The following FAAH2 variants were observed in gnomAD, a reference collection of about 807,000 sequenced individuals.
FAAH2 encodes fatty acid amide hydrolase 2.
FAAH2 carries 60 observed loss-of-function variants against 36.9 expected under a neutral mutation model. That is an observed-to-expected ratio of 1.63 (90% CI 1.32 to 2.02). The LOEUF (loss-of-function observed/expected upper bound fraction) is 2.02, where lower values mean the gene tolerates loss of function less well. FAAH2 is among the 30% of genes most tolerant of loss of function. The pLI is 0.00. For missense variants in FAAH2, 689 were observed against 397.5 expected (o/e 1.73, Z -6.23); for synonymous variants, 214 against 143.8 (o/e 1.49, Z -3.49).
chrX:57,390,407 A>AG (rs1251931310), intron 7 of FAAH2, among the ~76,000 whole-genome samples: 2 of 111,325 alleles, frequency 1.8e-5, no homozygotes, highest in Non-Finnish European at 3.8e-5. Context: ...GTAATGGTGA[A>AG]GTTTGGGCTT....
chrX:57,163,287 G>C, the FAAH2 span, among the ~76,000 whole-genome samples: 7 of 112,112 alleles, frequency 6.2e-5, no homozygotes, highest in African/African-American at 2.3e-4. Flanking sequence ...GGACATTTAA[G>C]TCTGCAGAAG....
At chrX:57,129,456 G>T in the FAAH2 span, among the ~76,000 whole-genome samples, 45,780 of 110,885 alleles carry the variant, frequency 0.41, 8,882 homozygotes, top group African/African-American at 0.75. Flanking sequence ...TGGAATTTAT[G>T]TACTTACATA....
intron 7 of FAAH2, among the ~76,000 whole-genome samples, chrX:57,428,021 G>A (rs2056204249): frequency 9.0e-6 from 1 of 111,476 alleles, no homozygotes; most frequent in Admixed American, 9.6e-5. Flanking sequence ...CTACCCCAAA[G>A]ACTCCTAGAT....
intron 4 of FAAH2, among the ~76,000 whole-genome samples, chrX:57,332,104 A>G (rs1200147858): frequency 3.6e-5 from 4 of 112,471 alleles, no homozygotes; most frequent in African/African-American, 1.3e-4. Flanking sequence ...AAAAGTGTAT[A>G]GACACTAGAA....
intron 3 of FAAH2, among the ~76,000 whole-genome samples, chrX:57,327,296 G>A (rs911122255): frequency 3.8e-5 from 4 of 105,460 alleles, no homozygotes; most frequent in Non-Finnish European, 7.8e-5. Flanking sequence ...TTCAACTTTG[G>A]TGAATCTGAC....
At chrX:57,379,523 T>A (rs2054780707) in intron 6 of FAAH2, among the ~76,000 whole-genome samples, 2 of 87,233 alleles carry the variant, frequency 2.3e-5, no homozygotes, top group South Asian at 1.1e-3. Context: ...TCTCTCTCTG[T>A]CTCTCTCGCT....
chrX:57,186,835 C>G, the FAAH2 span, among the ~76,000 whole-genome samples: 1 of 111,842 alleles, frequency 8.9e-6, no homozygotes, highest in Admixed American at 9.5e-5. Context: ...TTCCCCATTG[C>G]TTGTTTTTGT....
chrX:57,124,404 T>C, the FAAH2 span, among the ~76,000 whole-genome samples: 1 of 111,771 alleles, frequency 8.9e-6, no homozygotes, highest in Non-Finnish European at 1.9e-5. Flanking sequence ...TTGGTTAGTG[T>C]AGCCTTGTAG....
chrX:57,382,250 A>G (rs757700926), intron 7 of FAAH2, among the ~76,000 whole-genome samples: 2 of 111,824 alleles, frequency 1.8e-5, no homozygotes, highest in Non-Finnish European at 3.8e-5. Flanking sequence ...GCACTCTAAC[A>G]TCACAATTAA....
intron 5 of FAAH2, among the ~76,000 whole-genome samples, chrX:57,363,221 C>CT (rs1324102213): frequency 1.8e-5 from 2 of 111,646 alleles, no homozygotes; most frequent in African/African-American, 6.5e-5. Flanking sequence ...GAATGTTTTA[C>CT]TTTTTTTGTC....
At chrX:57,187,627 C>A in the FAAH2 span, among the ~76,000 whole-genome samples, 3 of 111,164 alleles carry the variant, frequency 2.7e-5, no homozygotes, top group African/African-American at 3.3e-5. Flanking sequence ...TGAGAGAGGG[C>A]GTCCTTATCT....
At chrX:57,226,202 TTTG>T in the FAAH2 span, among the ~76,000 whole-genome samples, 3 of 112,016 alleles carry the variant, frequency 2.7e-5, no homozygotes, top group East Asian at 2.8e-4. Context: ...GTACTTTGTT[TTTG>T]TTGTTGTTGT....
chrX:57,291,396 C>G (rs2051978683), intron 1 of FAAH2, among the ~76,000 whole-genome samples: 1 of 112,080 alleles, frequency 8.9e-6, no homozygotes, highest in Admixed American at 9.4e-5. Context: ...CCTCTCCTTT[C>G]TTATTGTTTG....
chrX:57,392,873 C>T, intron 7 of FAAH2: 2 of 798,950 alleles, frequency 2.5e-6, no homozygotes, highest in Non-Finnish European at 3.8e-6. Flanking sequence ...TGGGGAGATT[C>T]CCAAAGCCCT....
the FAAH2 span, among the ~76,000 whole-genome samples, chrX:57,242,004 T>A: frequency 3.6e-5 from 4 of 111,912 alleles, no homozygotes; most frequent in African/African-American, 1.3e-4. Context: ...GGGGAGGCTG[T>A]GGGCGCAGCT....
intron 7 of FAAH2, among the ~76,000 whole-genome samples, chrX:57,420,182 G>A (rs940219755): frequency 1.4e-4 from 16 of 110,985 alleles, no homozygotes; most frequent in Admixed American, 4.8e-4. Context: ...TTTTGGCTTA[G>A]GATTGACTTG....
chrX:57,146,689 T>A, the FAAH2 span, among the ~76,000 whole-genome samples: 1 of 112,192 alleles, frequency 8.9e-6, no homozygotes, highest in African/African-American at 3.2e-5. Context: ...CAGTATAATG[T>A]TGGCTGTGTG....
chrX:57,152,333 C>T, the FAAH2 span, among the ~76,000 whole-genome samples: 926 of 112,514 alleles, frequency 8.2e-3, 9 homozygotes, highest in Non-Finnish European at 0.013. Context: ...GAGGTTACTG[C>T]TGTATTTTTC....
At chrX:57,259,823 T>C in the FAAH2 span, among the ~76,000 whole-genome samples, 1 of 112,086 alleles carries the variant, frequency 8.9e-6, no homozygotes, top group Non-Finnish European at 1.9e-5. Flanking sequence ...ATTTGTTCAT[T>C]ATACCTTAAC....
Sources: gnomAD v4.1 joint callset for allele counts (sites outside exome capture counted in the v4.1 genomes callset) on GRCh38, gnomAD v4.1.1 for gene constraint, MANE v1.5 for transcripts, NCBI Gene and HGNC (gene_info 2026-07-23, HGNC 2026-07-21) for gene names.